Variants in STK24 observed in about 807,000 individuals in gnomAD.
STK24 encodes the protein serine/threonine-protein kinase 24.
A neutral mutation model predicts 55.6 loss-of-function variants in STK24; 21 were observed. The observed-to-expected ratio is 0.38, with a 90% CI of 0.27 to 0.54. The LOEUF (loss-of-function observed/expected upper bound fraction) is 0.54, where lower values mean the gene tolerates loss of function less well. Ranked by LOEUF, STK24 falls within the 20% of genes least tolerant of loss-of-function variation. The pLI is 0.79. For missense variants in STK24, 383 were observed against 538.4 expected (o/e 0.71, Z 2.86); for synonymous variants, 200 against 215.2 (o/e 0.93, Z 0.62).
chr13:98,458,413 C>T (rs535282722), intron 9 of STK24, among the ~76,000 whole-genome samples: 9 of 152,340 alleles, frequency 5.9e-5, no homozygotes, highest in African/African-American at 1.9e-4. Context: ...CATTTCCAAA[C>T]CCAGCCCTGC....
chr13:98,502,601 TG>T (rs956850527), intron 2 of STK24, among the ~76,000 whole-genome samples: 1 of 152,134 alleles, frequency 6.6e-6, no homozygotes, highest in Non-Finnish European at 1.5e-5. Context: ...TTTGTTATCG[TG>T]AGAGTGGGTC....
chr13:98,524,308 G>A (rs1240173459), intron 1 of STK24, among the ~76,000 whole-genome samples: 1 of 151,732 alleles, frequency 6.6e-6, no homozygotes, highest in Non-Finnish European at 1.5e-5. Flanking sequence ...TGTGGTTCCT[G>A]TGCTGGTGTA....
At chr13:98,477,045 A>G (rs551077051) in intron 3 of STK24, among the ~76,000 whole-genome samples, 184 of 152,334 alleles carry the variant, frequency 1.2e-3, no homozygotes, top group African/African-American at 4.4e-3. Context: ...GATATTGTCC[A>G]AAAGTTACCT....
intron 2 of STK24, among the ~76,000 whole-genome samples, chr13:98,504,594 A>C (rs1895615934): frequency 6.6e-6 from 1 of 152,218 alleles, no homozygotes; most frequent in African/African-American, 2.4e-5. Flanking sequence ...CATGGTGAGA[A>C]TGAAGCCTAC....
chr13:98,548,362 C>T (rs1435695376), intron 1 of STK24, among the ~76,000 whole-genome samples: 1 of 152,134 alleles, frequency 6.6e-6, no homozygotes, highest in Non-Finnish European at 1.5e-5. Flanking sequence ...CCTTTCTAAG[C>T]CACAACTGCC....
At position 98,488,291 on chromosome 13, in the gene STK24, T is replaced by C. The variant is rs369679641; in HGVS notation, c.274-5970A>G. Among the ~76,000 whole-genome samples, 282 of 152,036 alleles carry C rather than the reference T, an allele frequency of 1.9e-3. 2 individuals carry two copies. Among genetic ancestry groups the C allele is most frequent in the African/African-American group, 6.6e-3 (274 of 41,492 alleles). ...CTCCCAAGAAACCACCCTACCAACA[T>C]CTTTCCAGGTTTATTAGCAAACGAA... On this transcript the variant is annotated intron_variant, in intron 2 of 10. Transcript: ENST00000539966.
In STK24 at chr13:98,450,659, A is replaced by C. The variant is rs1893144268; in HGVS notation, c.*2514T>G. The C allele has an allele frequency of 6.6e-6, 1 of 152,240 alleles. No homozygotes were observed. Among genetic ancestry groups the C allele is most frequent in the Non-Finnish European group, 1.5e-5 (1 of 68,048 alleles). 9.4% of individuals were successfully genotyped at this position (152,240 alleles called of 1,614,324 possible). On this transcript the variant is annotated 3_prime_UTR_variant, in exon 11 of 11. Coordinates refer to ENST00000539966, the MANE Select transcript of STK24 (RefSeq NM_001032296.4). ...GGCTCTGGGCAGCTGAGCCAGGAGC[A>C]GCTCAGGGCTGGCACTGAGAGGCTA...
chr13:98,564,150 T>G (rs1306782683), intron 1 of STK24, among the ~76,000 whole-genome samples: 1 of 152,184 alleles, frequency 6.6e-6, no homozygotes, highest in South Asian at 2.1e-4. Context: ...TCTACTGATA[T>G]GAAATACTTT....
At position 98,448,252 on chromosome 13, in the gene STK24, C is replaced by A; in HGVS notation, c.*4921G>T. On this transcript the variant is annotated 3_prime_UTR_variant, in exon 11 of 11. Transcript: ENST00000539966. ...GTGTTGCAGGTGGATGGAAGTGATC[C>A]GCAGTGCCACCAGCTCTGCCTCGCG... The A allele has an allele frequency of 6.2e-7, 1 of 1,613,852 alleles. No homozygotes were observed. Among genetic ancestry groups the A allele is most frequent in the East Asian group, 2.2e-5 (1 of 44,884 alleles).
intron 3 of STK24, among the ~76,000 whole-genome samples, chr13:98,477,675 A>C (rs76691885): frequency 2.2e-5 from 3 of 138,564 alleles, no homozygotes; most frequent in Non-Finnish European, 4.7e-5. Context: ...ATTCCGTCTC[A>C]AAAAAAAAAA....
chr13:98,546,325 C>G (rs1429182619), intron 1 of STK24, among the ~76,000 whole-genome samples: 2 of 151,780 alleles, frequency 1.3e-5, no homozygotes, highest in African/African-American at 2.4e-5. Flanking sequence ...CCTGGTCCAT[C>G]TGAGAAAGCC....
intron 5 of STK24, among the ~76,000 whole-genome samples, chr13:98,474,041 G>A (rs942835407): frequency 6.6e-5 from 10 of 152,210 alleles, no homozygotes; most frequent in Non-Finnish European, 1.3e-4. Context: ...TGGATCATGT[G>A]GCCTTTTAAC....
chr13:98,468,527 G>C (rs1328241877), intron 5 of STK24, among the ~76,000 whole-genome samples: 1 of 152,180 alleles, frequency 6.6e-6, no homozygotes, highest in African/African-American at 2.4e-5. Flanking sequence ...GGACCGAGGA[G>C]GGGAGAGGCA....
At chr13:98,509,186 T>C (rs765086537) in intron 2 of STK24, among the ~76,000 whole-genome samples, 11 of 152,210 alleles carry the variant, frequency 7.2e-5, no homozygotes, top group Non-Finnish European at 1.2e-4. Flanking sequence ...AGAATAATCC[T>C]AATGGTTAAG....
In STK24 at chr13:98,450,725, C is replaced by G. The variant is rs1244453559; in HGVS notation, c.*2448G>C. The G allele has an allele frequency of 3.3e-5, 5 of 152,296 alleles. No individual in the cohort carries two copies. The highest frequency in any genetic ancestry group is 5.9e-5 in the Non-Finnish European group (4 of 68,070). The allele number at this position is 152,296 out of a possible 1,614,324, so 9.4% of individuals were successfully genotyped here. A position where few individuals can be genotyped will look rare whatever the true frequency, so the allele number is the denominator to read the frequency against. ...CCGTCTCAAAGGCTGGGCCTGGCTA[C>G]AGACCAGCAGCAGTTGACGCTGAGG... is the stretch of plus-strand genomic sequence containing the variant. On this transcript the variant is annotated 3_prime_UTR_variant, in exon 11 of 11. Coordinates refer to ENST00000539966, the MANE Select transcript of STK24 (RefSeq NM_001032296.4).
intron 1 of STK24, among the ~76,000 whole-genome samples, chr13:98,533,658 T>C (rs1013858139): frequency 6.6e-6 from 1 of 151,776 alleles, no homozygotes; most frequent in Non-Finnish European, 1.5e-5. Flanking sequence ...TCTCTAAAAA[T>C]AAAAAAGAAA....
chr13:98,509,203 C>T (rs3858776), intron 2 of STK24, among the ~76,000 whole-genome samples: 48,657 of 151,908 alleles, frequency 0.32, 7,948 homozygotes, highest in East Asian at 0.42. Context: ...TAAGAACATA[C>T]ATAGATGCTC....
rs35957882 is a variant in STK24 at position 98,540,763 on chromosome 13, CAAAAAAAAAA to C, written c.43-21300_43-21291del. Among the ~76,000 whole-genome samples the C allele has an allele frequency of 5.1e-4, 30 of 58,884 alleles. No individual in the cohort carries two copies. In the East Asian group the frequency reaches 0.02, roughly 39 times the overall value. 38.6% of individuals were successfully genotyped at this position (58,884 alleles called of 152,430 possible). A position where few individuals can be genotyped will look rare whatever the true frequency, so the allele number is the denominator to read the frequency against. ...GAGTGGTTAAGCTAAATATTAAAAG[CAAAAAAAAAA>C]AAAAAAAAAAGCCATTGCCCTTATA... On this transcript the variant is annotated intron_variant, in intron 1 of 10. Coordinates refer to ENST00000539966, the MANE Select transcript of STK24 (RefSeq NM_001032296.4).
chr13:98,545,343 C>A (rs1228873595), intron 1 of STK24, among the ~76,000 whole-genome samples: 5 of 152,180 alleles, frequency 3.3e-5, no homozygotes, highest in Non-Finnish European at 7.3e-5. Flanking sequence ...TACACACGTG[C>A]AGATCAAAAA....
Sources: allele counts gnomAD v4.1 joint callset (sites outside exome capture counted in the v4.1 genomes callset), GRCh38; gene constraint gnomAD v4.1.1; transcripts MANE v1.5; gene names NCBI Gene and HGNC (gene_info 2026-07-23, HGNC 2026-07-21).